The following MOB1A variants were observed in gnomAD, a reference collection of about 807,000 sequenced individuals.
The protein encoded by MOB1A is MOB1 Mps One Binder homolog A.
MOB1A carries 10 observed loss-of-function variants against 25.1 expected under a neutral mutation model. That is an observed-to-expected ratio of 0.40 (90% CI 0.25 to 0.68). MOB1A has a LOEUF of 0.68. MOB1A is among the 30% of genes least tolerant of loss of function. The pLI is 0.40. For synonymous variants in MOB1A, 81 were observed against 79.5 expected, an observed-to-expected ratio of 1.02 and a Z score of -0.10; for missense variants, 177 against 256.3, an observed-to-expected ratio of 0.69 and a Z score of 2.11.
Position 74,153,940 on chromosome 2 carries a change from T to C in MOB1A, c.*2628A>G, listed in dbSNP as rs1208035683. 2.0e-5 allele frequency: 3 copies of C among 152,088 alleles called. No individual in the cohort carries two copies. The highest frequency in any genetic ancestry group is 4.8e-5 in the African/African-American group (2 of 41,376). The allele number at this position is 152,088 out of a possible 1,614,324, so 9.4% of individuals were successfully genotyped here. On this transcript the variant is annotated 3_prime_UTR_variant, in exon 6 of 6. Transcript: ENST00000396049. ...ACTTTGGGAGGCTGAGGCGGGCGGATTGCGAGGTAAGGAGATGGAGACCAT... is the reference window on the plus strand; with the variant it reads ...ACTTTGGGAGGCTGAGGCGGGCGGACTGCGAGGTAAGGAGATGGAGACCAT...
rs1348399590 is a variant in MOB1A, at chr2:74,159,266, T to C, written c.410-12A>G. Reference sequence around the variant, plus strand: ...GGGAAATGGGACACCTGCAATTAAATACACATATGAAACAATTATTTGGTT... The same window carrying C: ...GGGAAATGGGACACCTGCAATTAAACACACATATGAAACAATTATTTGGTT... On this transcript the variant is annotated splice_polypyrimidine_tract_variant and intron_variant, in intron 4 of 5. Coordinates refer to ENST00000396049, the MANE Select transcript of MOB1A (RefSeq NM_018221.5). 8 of 1,609,676 alleles carry C rather than the reference T, an allele frequency of 5.0e-6. No homozygotes were observed. The highest frequency in any genetic ancestry group is 6.8e-6 in the Non-Finnish European group (8 of 1,177,104).
rs1389435266 is a variant in MOB1A at position 74,154,364 on chromosome 2, G to T, written c.*2204C>A. 6.6e-6 allele frequency: 1 copy of T among 152,042 alleles called. No homozygotes were observed. The highest frequency in any genetic ancestry group is 1.5e-5 in the Non-Finnish European group (1 of 68,020). 9.4% of individuals were successfully genotyped at this position (152,042 alleles called of 1,614,324 possible). ...ACACTAATATTTCAGTGCACTGTTG[G>T]TTAAGCCAGATTGGCTTGGGAACCT... On this transcript the variant is annotated 3_prime_UTR_variant, in exon 6 of 6. Transcript: ENST00000396049.
intron 4 of MOB1A, among the ~76,000 whole-genome samples, chr2:74,160,661 C>G (rs1397996770): frequency 6.6e-6 from 1 of 151,688 alleles, no homozygotes; most frequent in African/African-American, 2.4e-5. Flanking sequence ...GATCGCGCCA[C>G]TGCACTCCAG....
In MOB1A at chr2:74,156,484, G is replaced by C. The variant is rs1692810582; in HGVS notation, c.*84C>G. ...TTTTTATCCTGTTTTCTTAAAGTTT[G>C]TATCACTAGTCTATAACAGATAGCA... On this transcript the variant is annotated 3_prime_UTR_variant, in exon 6 of 6. Transcript: ENST00000396049. The C allele has an allele frequency of 3.0e-6, 3 of 986,208 alleles. No individual in the cohort carries two copies. The South Asian group carries it at 4.4e-5, about 14-fold the overall frequency. The allele number at this position is 986,208 out of a possible 1,614,324, so 61.1% of individuals were successfully genotyped here.
chr2:74,165,408 G>A lies in MOB1A; in HGVS notation c.276-57C>T, dbSNP rs1029285863. The A allele has an allele frequency of 5.3e-6, 6 of 1,130,320 alleles. No homozygotes were observed. In the African/African-American group the frequency reaches 6.4e-5, roughly 12 times the overall value. The allele number at this position is 1,130,320 out of a possible 1,614,324, so 70.0% of individuals were successfully genotyped here. On this transcript the variant is annotated intron_variant, in intron 3 of 5. Coordinates refer to ENST00000396049, the MANE Select transcript of MOB1A (RefSeq NM_018221.5). ...TTCAAAAATATTAACAAATGTGCAA[G>A]TTGTGATTAAAACAGGTTCATTCAC...
chr2:74,163,302 C>T (rs1693028149), intron 4 of MOB1A, among the ~76,000 whole-genome samples: 1 of 152,058 alleles, frequency 6.6e-6, no homozygotes, highest in Non-Finnish European at 1.5e-5. Flanking sequence ...CAAAAACTAA[C>T]AGAAAAAGAG....
intron 1 of MOB1A, 44 bp downstream of exon 1, chr2:74,178,617 A>T: frequency 7.3e-7 from 1 of 1,361,600 alleles, no homozygotes. Context: ...CTCCCCCACA[A>T]CCTCGGCCCG....
intron 4 of MOB1A, among the ~76,000 whole-genome samples, chr2:74,162,373 T>G (rs1276488243): frequency 6.6e-6 from 1 of 151,938 alleles, no homozygotes; most frequent in South Asian, 2.1e-4. Context: ...TCCCAGCTAC[T>G]TGGAGGCTGA....
intron 4 of MOB1A, chr2:74,164,837 T>C (rs1263873917): frequency 6.5e-6 from 1 of 152,792 alleles, no homozygotes; most frequent in African/African-American, 2.4e-5. Flanking sequence ...ATTTTTTAAA[T>C]GCATATTAAA....
At chr2:74,162,156 G>A (rs994617709) in intron 4 of MOB1A, among the ~76,000 whole-genome samples, 2 of 152,158 alleles carry the variant, frequency 1.3e-5, no homozygotes, top group African/African-American at 4.8e-5. Context: ...TTAAGAGGTG[G>A]TGGATCAGAA....
chr2:74,157,155 G>A (rs1038702873), intron 5 of MOB1A, among the ~76,000 whole-genome samples: 1 of 147,254 alleles, frequency 6.8e-6, no homozygotes, highest in Non-Finnish European at 1.5e-5. Context: ...CCAGATCACA[G>A]CCTCTGGGGA....
At chr2:74,166,863 A>G (rs1217845894) in intron 3 of MOB1A, 151 bp downstream of exon 3, 4 of 549,826 alleles carry the variant, frequency 7.3e-6, no homozygotes, top group African/African-American at 5.9e-5. Flanking sequence ...AAATTACACA[A>G]TAACTAAAAG....
chr2:74,163,403 A>C (rs12613490), intron 4 of MOB1A, among the ~76,000 whole-genome samples: 35 of 152,178 alleles, frequency 2.3e-4, no homozygotes, highest in Admixed American at 2.2e-3. Context: ...TTGGAAGGCC[A>C]AGGAAGGAGG....
At chr2:74,167,142 T>C (rs934695878) in intron 2 of MOB1A, 35 bp from the exon 3 acceptor site, 11 of 1,559,206 alleles carry the variant, frequency 7.1e-6, no homozygotes, top group Non-Finnish European at 8.8e-6. Context: ...AAAATGTCTG[T>C]GTAAACACAA....
chr2:74,173,963 A>AG (rs1459577373), intron 1 of MOB1A, among the ~76,000 whole-genome samples: 101 of 141,406 alleles, frequency 7.1e-4, no homozygotes, highest in African/African-American at 2.5e-3. Flanking sequence ...AAAAAAAAAA[A>AG]AAAAAAGAAA....
At chr2:74,173,513 T>C (rs1488963179) in intron 1 of MOB1A, among the ~76,000 whole-genome samples, 1 of 150,888 alleles carries the variant, frequency 6.6e-6, no homozygotes, top group Non-Finnish European at 1.5e-5. Flanking sequence ...CTCGAGTAGC[T>C]GGGATTATAG....
At chr2:74,173,049 T>C in intron 1 of MOB1A, 1 of 442,128 alleles carries the variant, frequency 2.3e-6, no homozygotes, top group Admixed American at 2.6e-5. Context: ...GGCAGAAGAA[T>C]GGCTTGAACC....
chr2:74,163,933 C>G (rs868682552), intron 4 of MOB1A: 2 of 151,884 alleles, frequency 1.3e-5, no homozygotes, highest in African/African-American at 4.8e-5. Flanking sequence ...CAAAATGTTT[C>G]TAAGTTCTTT....
chr2:74,175,756 C>A (rs1693434973), intron 1 of MOB1A, among the ~76,000 whole-genome samples: 1 of 152,080 alleles, frequency 6.6e-6, no homozygotes. Context: ...TACACGTATT[C>A]ACAGGGAAAG....
Sources: gnomAD v4.1 joint callset for allele counts (sites outside exome capture counted in the v4.1 genomes callset) on GRCh38, gnomAD v4.1.1 for gene constraint, MANE v1.5 for transcripts, NCBI Gene and HGNC (gene_info 2026-07-23, HGNC 2026-07-21) for gene names.